Variants in MXI1 observed in about 807,000 individuals in gnomAD.
MXI1 encodes MAX interactor 1, dimerization protein.
A neutral mutation model predicts 36.9 loss-of-function variants in MXI1; 18 were observed. The observed-to-expected ratio is 0.49, with a 90% CI of 0.34 to 0.72. MXI1 has a LOEUF of 0.72. Among genes scored for constraint, MXI1 ranks in the 30% least tolerant of loss-of-function variants. The pLI is 0.01. For missense variants in MXI1, 304 were observed against 379.1 expected, an observed-to-expected ratio of 0.80 and a Z score of 1.64; for synonymous variants, 160 against 146.7, an observed-to-expected ratio of 1.09 and a Z score of -0.65.
intron 5 of MXI1, among the ~76,000 whole-genome samples, chr10:110,282,967 T>C (rs1857308623): frequency 6.6e-6 from 1 of 152,146 alleles, no homozygotes; most frequent in Admixed American, 6.5e-5. Flanking sequence ...TGTGAGCCAC[T>C]GTGTTGGCCA....
chr10:110,259,348 A>G (rs539995397), intron 3 of MXI1, among the ~76,000 whole-genome samples: 1 of 152,246 alleles, frequency 6.6e-6, no homozygotes, highest in East Asian at 1.9e-4. Flanking sequence ...TGTTTGATTC[A>G]TAAACTGACT....
At chr10:110,229,266 T>C (rs1049410218) in intron 2 of MXI1, among the ~76,000 whole-genome samples, 1 of 152,216 alleles carries the variant, frequency 6.6e-6, no homozygotes, top group Non-Finnish European at 1.5e-5. Flanking sequence ...AATGAGACCT[T>C]TATTTCTGTT....
At chr10:110,250,112 T>C (rs1217698614) in intron 3 of MXI1, among the ~76,000 whole-genome samples, 1 of 152,122 alleles carries the variant, frequency 6.6e-6, no homozygotes, top group East Asian at 1.9e-4. Context: ...ATTAGGGAGC[T>C]CTAGGTAGTT....
intron 3 of MXI1, among the ~76,000 whole-genome samples, chr10:110,274,420 C>T (rs1856959998): frequency 6.6e-6 from 1 of 152,002 alleles, no homozygotes; most frequent in Admixed American, 6.6e-5. Context: ...AACCCCATCC[C>T]TCTCAGCAAG....
chr10:110,207,771 C>T lies in MXI1; in HGVS notation c.-38C>T. ...CCGGAGCTCGGCCGGGCCGCGCAGC[C>T]CCGTTAGAGGACGAGCTCGGCGGAC... On this transcript the variant is annotated 5_prime_UTR_variant, in exon 1 of 6. Coordinates refer to ENST00000332674, the MANE Select transcript of MXI1 (RefSeq NM_130439.3). 1 of 1,131,074 alleles carries T rather than the reference C, an allele frequency of 8.8e-7. No homozygotes were observed. The highest frequency in any genetic ancestry group is 1.7e-5 in the African/African-American group (1 of 60,240). The allele number at this position is 1,131,074 out of a possible 1,614,324, so 70.1% of individuals were successfully genotyped here.
At chr10:110,238,058 C>G (rs1855534164) in intron 2 of MXI1, among the ~76,000 whole-genome samples, 1 of 152,130 alleles carries the variant, frequency 6.6e-6, no homozygotes, top group Non-Finnish European at 1.5e-5. Flanking sequence ...TGTGCTTTTT[C>G]CATGGAATCA....
chr10:110,221,850 G>A (rs1166983412), intron 1 of MXI1, among the ~76,000 whole-genome samples: 1 of 152,138 alleles, frequency 6.6e-6, no homozygotes, highest in Non-Finnish European at 1.5e-5. Context: ...CCCAGCTCGG[G>A]CAGCACCTGA....
At chr10:110,221,230 G>C (rs920983001) in intron 1 of MXI1, among the ~76,000 whole-genome samples, 1 of 152,216 alleles carries the variant, frequency 6.6e-6, no homozygotes, top group Non-Finnish European at 1.5e-5. Flanking sequence ...AAAAGCCTGA[G>C]TTCTAACCCT....
intron 1 of MXI1, chr10:110,226,007 G>C (rs974226066): frequency 2.0e-6 from 2 of 982,560 alleles, no homozygotes; most frequent in Admixed American, 6.2e-5. Context: ...AACAAACCAC[G>C]CGCGGGCTGC....
chr10:110,265,955 T>G (rs1422745942), intron 3 of MXI1, among the ~76,000 whole-genome samples: 1 of 152,206 alleles, frequency 6.6e-6, no homozygotes, highest in Non-Finnish European at 1.5e-5. Context: ...TCACTTACTC[T>G]GGGGTGAAAG....
At chr10:110,220,298 G>T (rs573698083) in intron 1 of MXI1, among the ~76,000 whole-genome samples, 2 of 152,338 alleles carry the variant, frequency 1.3e-5, no homozygotes, top group South Asian at 4.1e-4. Context: ...TAGTTATGTG[G>T]CAGCTAGTAG....
intron 3 of MXI1, among the ~76,000 whole-genome samples, chr10:110,276,812 C>G (rs963224472): frequency 4.0e-5 from 6 of 151,018 alleles, no homozygotes; most frequent in Admixed American, 2.6e-4. Context: ...TTTATGGAAT[C>G]ATTTTGATTT....
chr10:110,227,578 C>G, intron 1 of MXI1: 2 of 848,102 alleles, frequency 2.4e-6, no homozygotes, highest in Non-Finnish European at 2.7e-6. Flanking sequence ...AACACGGATG[C>G]TGGGGGGGGT....
rs540967159 is a variant in MXI1, at chr10:110,282,649, T to C, written c.725-2175T>C. On this transcript the variant is annotated intron_variant, in intron 5 of 5. Coordinates refer to ENST00000332674, the MANE Select transcript of MXI1 (RefSeq NM_130439.3). ...AGAGGAGGGTGTATTTTCATCACTA[T>C]AGCTCTCATTTTTTTTTAGTGTTCC... is the stretch of plus-strand genomic sequence containing the variant. Among the ~76,000 whole-genome samples, 9 of 152,240 alleles carry C rather than the reference T, an allele frequency of 5.9e-5. No individual in the cohort carries two copies. The East Asian group carries it at 1.5e-3, about 26-fold the overall frequency.
intron 3 of MXI1, among the ~76,000 whole-genome samples, chr10:110,252,863 A>G (rs950228365): frequency 2.0e-5 from 3 of 152,198 alleles, no homozygotes; most frequent in Non-Finnish European, 4.4e-5. Context: ...ATAGGCAAAT[A>G]GAAAATTTAA....
At chr10:110,212,866 T>C (rs1415727900) in intron 1 of MXI1, among the ~76,000 whole-genome samples, 3 of 152,250 alleles carry the variant, frequency 2.0e-5, no homozygotes, top group Admixed American at 6.5e-5. Context: ...GCTTCCTGTG[T>C]GTTAGCTTTA....
chr10:110,281,196 G>T (rs2134475674), intron 5 of MXI1, among the ~76,000 whole-genome samples: 1 of 152,264 alleles, frequency 6.6e-6, no homozygotes, highest in African/African-American at 2.4e-5. Context: ...TGTTTCATCT[G>T]TTCTTCACTA....
At chr10:110,229,681 G>C (rs985136566) in intron 2 of MXI1, among the ~76,000 whole-genome samples, 1 of 152,094 alleles carries the variant, frequency 6.6e-6, no homozygotes, top group African/African-American at 2.4e-5. Context: ...TTGTGTGTGG[G>C]TCTAGAGATT....
At chr10:110,240,486 A>G (rs1205626300) in intron 2 of MXI1, among the ~76,000 whole-genome samples, 2 of 152,086 alleles carry the variant, frequency 1.3e-5, no homozygotes, top group Non-Finnish European at 2.9e-5. Context: ...CTAAAAGTTT[A>G]TAGTATTCAA....
Sources: gnomAD v4.1 joint callset for allele counts (sites outside exome capture counted in the v4.1 genomes callset) on GRCh38, gnomAD v4.1.1 for gene constraint, MANE v1.5 for transcripts, NCBI Gene and HGNC (gene_info 2026-07-23, HGNC 2026-07-21) for gene names.